Variants in ZNF24 observed in about 807,000 individuals in gnomAD.
ZNF24 encodes retinoic acid suppression protein A.
Under a neutral mutation model 40.9 loss-of-function variants are expected in ZNF24, and 11 were observed. The observed-to-expected ratio is 0.27, with a 90% CI of 0.17 to 0.45. The LOEUF is 0.45. Among genes scored for constraint, ZNF24 ranks in the 20% least tolerant of loss-of-function variants. The pLI is 1.00. For synonymous variants in ZNF24, 139 were observed against 154.7 expected, an observed-to-expected ratio of 0.90 and a Z score of 0.75; for missense variants, 293 against 437.7, an observed-to-expected ratio of 0.67 and a Z score of 2.95.
Position 35,339,943 on chromosome 18 carries a change from C to G in ZNF24, c.454G>C (p.Val152Leu). 6.2e-7 allele frequency: 1 copy of G among 1,611,332 alleles called. No individual in the cohort carries two copies. The highest frequency in any genetic ancestry group is 8.5e-7 in the Non-Finnish European group (1 of 1,177,662). Residue 152 changes from valine (V) to leucine (L), a missense_variant, in exon 3 of 4, where the codon GTA (valine) becomes CTA (leucine). Val to Leu is a conservative substitution (Grantham distance 32). Transcript: ENST00000261332. ...TCTTCTTGAGATACCATGTCTTCTA[C>G]TAGTACTTCCCGTTTTCGTCGACGG... ...SLRRRKREVLVEDMVSQEEAQ... is the reference protein window; with the variant it reads ...SLRRRKREVLLEDMVSQEEAQ...
chr18:35,338,481 G>T, intron 3 of ZNF24: 1 of 985,534 alleles, frequency 1.0e-6, no homozygotes, highest in Non-Finnish European at 1.2e-6. Flanking sequence ...AGAAAAGCCT[G>T]AATTACCAAC....
intron 1 of ZNF24, chr18:35,342,468 C>T (rs1374304083): frequency 6.6e-6 from 1 of 152,040 alleles, no homozygotes; most frequent in Non-Finnish European, 1.5e-5. Context: ...ATTCACCACT[C>T]ACTCACTGAC....
chr18:35,341,185 C>T (rs150648716), intron 1 of ZNF24, among the ~76,000 whole-genome samples: 1 of 152,112 alleles, frequency 6.6e-6, no homozygotes, highest in African/African-American at 2.4e-5. Context: ...AAAAACCCAA[C>T]ACAGTCATGC....
intron 1 of ZNF24, among the ~76,000 whole-genome samples, chr18:35,344,131 G>C (rs2071842224): frequency 6.6e-6 from 1 of 152,116 alleles, no homozygotes; most frequent in Admixed American, 6.5e-5. Context: ...GAGGGTCTCG[G>C]AGGACACAGG....
chr18:35,343,548 G>A (rs918237656), intron 1 of ZNF24, among the ~76,000 whole-genome samples: 2 of 152,150 alleles, frequency 1.3e-5, no homozygotes, highest in South Asian at 2.1e-4. Context: ...TGTAACCCAA[G>A]CAAGATGAAG....
intron 3 of ZNF24, chr18:35,338,246 G>C: frequency 1.0e-6 from 1 of 985,738 alleles, no homozygotes; most frequent in Non-Finnish European, 1.2e-6. Context: ...AGCCAAGTCA[G>C]GTCACAGCCA....
rs1444254129 is a variant in ZNF24 at position 35,333,226 on chromosome 18, GTATT to G, written c.*4002_*4005del. 1 of 152,142 alleles carries G rather than the reference GTATT, an allele frequency of 6.6e-6. No homozygotes were observed. The highest frequency in any genetic ancestry group is 2.4e-5 in the African/African-American group (1 of 41,418). 9.4% of individuals were successfully genotyped at this position (152,142 alleles called of 1,614,324 possible). A position where few individuals can be genotyped will look rare whatever the true frequency, so the allele number is the denominator to read the frequency against. Reference sequence around the variant, plus strand: ...GGGAATAAATAATGGCATTTTCATAGTATTTAATCATATTCAACCATTAAAGAAA... The same window carrying G: ...GGGAATAAATAATGGCATTTTCATAGTAATCATATTCAACCATTAAAGAAA... On this transcript the variant is annotated 3_prime_UTR_variant, in exon 4 of 4. Transcript: ENST00000261332.
At chr18:35,343,089 T>C (rs1027671039) in intron 1 of ZNF24, among the ~76,000 whole-genome samples, 7 of 152,238 alleles carry the variant, frequency 4.6e-5, no homozygotes, top group Non-Finnish European at 8.8e-5. Flanking sequence ...TTTTAAGGTG[T>C]TTAAGAACTC....
Position 35,336,344 on chromosome 18 carries a change from C to CT in ZNF24, c.*887dup, listed in dbSNP as rs1255131717. ...GATGAAGGCAAAATAATGATGAACT[C>CT]TATCATCTTTTTCTAAAAGCCATGA... On this transcript the variant is annotated 3_prime_UTR_variant, in exon 4 of 4. Transcript: ENST00000261332. 10 of 152,464 alleles carry CT rather than the reference C, an allele frequency of 6.6e-5. No individual in the cohort carries two copies. Among genetic ancestry groups the CT allele is most frequent in the Non-Finnish European group, 1.5e-4 (10 of 68,004 alleles). 9.4% of individuals were successfully genotyped at this position (152,464 alleles called of 1,614,324 possible).
At chr18:35,341,724 GA>G (rs928052803) in intron 1 of ZNF24, among the ~76,000 whole-genome samples, 24 of 148,560 alleles carry the variant, frequency 1.6e-4, no homozygotes, top group South Asian at 4.3e-4. Context: ...AGTTCCAAAA[GA>G]AAAAAAAAAT....
At position 35,337,364 on chromosome 18, in the gene ZNF24, A is replaced by G; in HGVS notation, c.975T>C (p.His325=). 6.2e-7 allele frequency: 1 copy of G among 1,614,104 alleles called. No homozygotes were observed. Among genetic ancestry groups the G allele is most frequent in the Non-Finnish European group, 8.5e-7 (1 of 1,179,980 alleles). The change falls in exon 4 of 4, where the codon CAT becomes CAC. Residue 325 remains histidine, a synonymous_variant. Coordinates refer to ENST00000261332, the MANE Select transcript of ZNF24 (RefSeq NM_006965.4). ...AFSQNSGLIN[H]QRIHTGEKPY... ...GTTTCTCCCCAGTATGGATTCTCTG[A>G]TGATTAATAAGCCCCGAATTCTGGC...
intron 3 of ZNF24, chr18:35,338,628 T>C: frequency 1.0e-6 from 1 of 1,000,992 alleles, no homozygotes; most frequent in East Asian, 1.0e-4. Flanking sequence ...AGGAAAACAG[T>C]AAATAATTAA....
At position 35,337,715 on chromosome 18, in the gene ZNF24, T is replaced by C; in HGVS notation, c.624A>G (p.Ser208=). ...GALAPKQELP[S]ALESHEVPGT... is the part of the protein sequence containing the mutation. ...CAGGAACTTCATGGGATTCTAATGCTGAAGGAAGCTCCTGCTTTGGAGCTA... is the reference window on the plus strand; with the variant it reads ...CAGGAACTTCATGGGATTCTAATGCCGAAGGAAGCTCCTGCTTTGGAGCTA... The change falls in exon 4 of 4, where the codon TCA becomes TCG. Residue 208 remains serine (S), a synonymous_variant. Coordinates refer to ENST00000261332, the MANE Select transcript of ZNF24 (RefSeq NM_006965.4). The C allele has an allele frequency of 6.2e-7, 1 of 1,610,136 alleles. No homozygotes were observed. Among genetic ancestry groups the C allele is most frequent in the Admixed American group, 1.7e-5 (1 of 59,560 alleles).
intron 1 of ZNF24, among the ~76,000 whole-genome samples, chr18:35,343,247 AC>A (rs1353867544): frequency 1.3e-5 from 2 of 152,196 alleles, no homozygotes; most frequent in South Asian, 4.1e-4. Flanking sequence ...CACCATACGT[AC>A]ATTTATATTT....
rs1041022361 is a variant in ZNF24, at chr18:35,337,672, C to T, written c.667G>A (p.Val223Ile). The T allele has an allele frequency of 6.2e-7, 1 of 1,613,860 alleles. No individual in the cohort carries two copies. Among genetic ancestry groups the T allele is most frequent in the African/African-American group, 1.3e-5 (1 of 75,052 alleles). Residue 223 changes from valine to isoleucine, a missense_variant, in exon 4 of 4, where the codon GTT (valine) becomes ATT (isoleucine). Val to Ile is a conservative substitution (Grantham distance 29, BLOSUM62 3). This residue lies in a region of ZNF24 where 234 missense variants were observed against 299.2 expected (regional missense o/e 0.78). Coordinates refer to ENST00000261332, the MANE Select transcript of ZNF24 (RefSeq NM_006965.4). ...TCTCCATATTTAAAAATTTGAGGAA[C>T]ACCCATATTGAGAGTGCCAGGAACT... The part of the protein sequence containing the change: ...HEVPGTLNMG[V>I]PQIFKYGETC...
chr18:35,338,408 G>A, intron 3 of ZNF24: 16 of 985,364 alleles, frequency 1.6e-5, no homozygotes, highest in Non-Finnish European at 1.9e-5. Flanking sequence ...CTCCCATGTG[G>A]TATTTGTCAT....
chr18:35,344,158 T>G (rs566515863), intron 1 of ZNF24, among the ~76,000 whole-genome samples: 3 of 152,172 alleles, frequency 2.0e-5, no homozygotes, highest in East Asian at 3.9e-4. Flanking sequence ...GAGAGCTCTC[T>G]GCAAATGCCG....
Position 35,337,252 on chromosome 18 carries a change from G to C in ZNF24, c.1087C>G (p.Leu363Val), listed in dbSNP as rs772967511. 4 of 1,435,256 alleles carry C rather than the reference G, an allele frequency of 2.8e-6. No individual in the cohort carries two copies. In the Admixed American group the frequency reaches 7.2e-5, roughly 26 times the overall value. 88.9% of individuals were successfully genotyped at this position (1,435,256 alleles called of 1,614,324 possible). A position where few individuals can be genotyped will look rare whatever the true frequency, so the allele number is the denominator to read the frequency against. ...ATTTCTTAAACTTTCACAACATTCA[G>C]AAGTTTTTCTGCATTGTGTCTTCTC... Reference protein sequence around the residue: ...HQRRHNAEKLLNVVKV With the variant: ...HQRRHNAEKLVNVVKV Residue 363 changes from leucine to valine, a missense_variant, in exon 4 of 4, where the codon CTG becomes GTG. Physicochemically the swap from Leu to Val is conservative, Grantham distance 32. Coordinates refer to ENST00000261332, the MANE Select transcript of ZNF24 (RefSeq NM_006965.4).
rs542981038 is a variant in ZNF24 at position 35,333,972 on chromosome 18, G to C, written c.*3260C>G. 2 of 152,286 alleles carry C rather than the reference G, an allele frequency of 1.3e-5. No individual in the cohort carries two copies. Among genetic ancestry groups the C allele is most frequent in the African/African-American group, 4.8e-5 (2 of 41,532 alleles). 9.4% of individuals were successfully genotyped at this position (152,286 alleles called of 1,614,324 possible). A position where few individuals can be genotyped will look rare whatever the true frequency, so the allele number is the denominator to read the frequency against. ...GTCTCAGTGTAGTGCATGTGAAATG[G>C]GGTTATGTCCTACTTTATACGGTAG... is the stretch of plus-strand genomic sequence containing the variant. On this transcript the variant is annotated 3_prime_UTR_variant, in exon 4 of 4. Coordinates refer to ENST00000261332, the MANE Select transcript of ZNF24 (RefSeq NM_006965.4).
Sources: gnomAD v4.1 joint callset for allele counts (sites outside exome capture counted in the v4.1 genomes callset) on GRCh38, gnomAD v4.1.1 for gene constraint, gnomAD v4.1.1 regional missense constraint, MANE v1.5 for transcripts, NCBI Gene and HGNC (gene_info 2026-07-23, HGNC 2026-07-21) for gene names.